The following IQSEC3 variants were observed in gnomAD, a reference collection of about 807,000 sequenced individuals.
IQSEC3 encodes the protein IQ motif and SEC7 domain-containing protein 3.
IQSEC3 carries 50 observed loss-of-function variants against 105.4 expected under a neutral mutation model. The observed-to-expected ratio is 0.47, with a 90% CI of 0.38 to 0.60. The LOEUF is 0.60. Ranked by LOEUF, IQSEC3 falls within the 20% of genes least tolerant of loss-of-function variation. IQSEC3 has a pLI of 0.00. For synonymous variants in IQSEC3, 708 were observed against 746.0 expected (o/e 0.95, Z 0.83); for missense variants, 1,415 against 1,630.0 (o/e 0.87, Z 2.27).
At chr12:167,975 AAT>A (rs1938761592) in intron 11 of IQSEC3, among the ~76,000 whole-genome samples, 1 of 152,184 alleles carries the variant, frequency 6.6e-6, no homozygotes, top group South Asian at 2.1e-4. Context: ...GTTGAGTAGA[AAT>A]ATTTAGCATT....
chr12:157,849 C>T (rs1866748643), intron 7 of IQSEC3, among the ~76,000 whole-genome samples, 155 bp downstream of exon 7: 3 of 152,242 alleles, frequency 2.0e-5, no homozygotes, highest in Admixed American at 1.3e-4. Context: ...TCCTTGTGAG[C>T]CAGGCGGCTG....
Position 99,354 on chromosome 12 carries a change from T to C in IQSEC3, c.623+140T>C, listed in dbSNP as rs544607262. 2.2e-4 allele frequency: 166 copies of C among 766,820 alleles called. No individual in the cohort carries two copies. The African/African-American group carries it at 2.4e-3, about 11-fold the overall frequency. 47.5% of individuals were successfully genotyped at this position (766,820 alleles called of 1,614,324 possible). On this transcript the variant is annotated intron_variant, in intron 2 of 13. Transcript: ENST00000538872. ...AATTTGTTTGCTTTCACCTCCTTCC[T>C]CAGACTTCAGTTTCTCTCTGCTCCC...
rs782371794 is a variant in IQSEC3 at position 138,446 on chromosome 12, C to A, written c.1083C>A (p.Ala361=). The change falls in exon 4 of 14, where the codon GCC becomes GCA. Residue 361 remains alanine (A), a synonymous_variant. Coordinates refer to ENST00000538872, the MANE Select transcript of IQSEC3 (RefSeq NM_001170738.2). This position sits in a 1 kb window ranked among gnomAD's most constrained non-coding sequence, Gnocchi z 7.1. ...ISLRKVRSPT[A]ESLAAEKALM... ...TGCGCAAGGTGCGGTCACCCACGGC[C>A]GAGAGCCTGGCGGCCGAGAAAGCGC... 1.0e-5 allele frequency: 16 copies of A among 1,604,742 alleles called. No individual in the cohort carries two copies. The South Asian group carries it at 1.2e-4, about 12-fold the overall frequency.
At chr12:113,827 G>A (rs1864968127) in intron 2 of IQSEC3, among the ~76,000 whole-genome samples, 1 of 152,246 alleles carries the variant, frequency 6.6e-6, no homozygotes, top group Admixed American at 6.5e-5. Flanking sequence ...TGGTTTTGTG[G>A]ATTCCTTTCT....
At chr12:117,771 G>T (rs1012698740) in intron 2 of IQSEC3, among the ~76,000 whole-genome samples, 1 of 152,236 alleles carries the variant, frequency 6.6e-6, no homozygotes, top group African/African-American at 2.4e-5. Flanking sequence ...CCAGACAGGA[G>T]AAGCATCTCT....
chr12:130,304 G>A (rs145067680), intron 3 of IQSEC3, among the ~76,000 whole-genome samples: 43 of 152,304 alleles, frequency 2.8e-4, no homozygotes, highest in Admixed American at 6.5e-4. Flanking sequence ...TTATCTCCCC[G>A]GGTCTGCACA....
chr12:157,655 C>G lies in IQSEC3; in HGVS notation c.2404C>G (p.Arg802Gly), dbSNP rs782523704. 29 of 1,613,830 alleles carry G rather than the reference C, an allele frequency of 1.8e-5. No individual in the cohort carries two copies. The highest frequency in any genetic ancestry group is 4.5e-5 in the East Asian group (2 of 44,894). ...DMYSPNIKPD[R>G]KMMLEDFIRN... ...GTACAGCCCCAACATCAAGCCTGAC[C>G]GGAAGATGATGCTGGAGGACTTCAT... The change falls in exon 7 of 14, where the codon CGG becomes GGG. Residue 802 changes from arginine (R) to glycine (G), a missense_variant. By Grantham distance (125) the Arg-to-Gly change is moderately radical. Transcript: ENST00000538872.
rs782395409 is a variant in IQSEC3, at chr12:139,113, G to T, written c.1750G>T (p.Gly584Trp). The change falls in exon 4 of 14, where the codon GGG becomes TGG. Residue 584 changes from glycine to tryptophan, a missense_variant. By Grantham distance (184) the Gly-to-Trp change is radical. Transcript: ENST00000538872. ...GGAGGAGGAGGAGACGGCGGAGGTGGGGAGAGGGGCCGAGGCCGAGGCAGG... is the reference window on the plus strand; with the variant it reads ...GGAGGAGGAGGAGACGGCGGAGGTGTGGAGAGGGGCCGAGGCCGAGGCAGG... ...EEEEEETAEV[G>W]RGAEAEAGDL... is the part of the protein sequence containing the mutation. The T allele has an allele frequency of 1.2e-5, 18 of 1,509,634 alleles. No homozygotes were observed. 93.5% of individuals were successfully genotyped at this position (1,509,634 alleles called of 1,614,324 possible). A position where few individuals can be genotyped will look rare whatever the true frequency, so the allele number is the denominator to read the frequency against.
At chr12:168,922 C>A in intron 11 of IQSEC3, 91 bp from the exon 12 acceptor site, 1 of 1,070,494 alleles carries the variant, frequency 9.3e-7, no homozygotes. Context: ...CCTCCTCTTC[C>A]TCCCCTTTCT....
chr12:169,335 T>C (rs1591757652), intron 12 of IQSEC3, among the ~76,000 whole-genome samples: 1 of 152,220 alleles, frequency 6.6e-6, no homozygotes, highest in African/African-American at 2.4e-5. Flanking sequence ...ACCAGAGGTC[T>C]GGAGTCCGTG....
intron 3 of IQSEC3, among the ~76,000 whole-genome samples, chr12:135,170 TG>T (rs1865724041): frequency 6.6e-6 from 1 of 152,186 alleles, no homozygotes; most frequent in African/African-American, 2.4e-5. Flanking sequence ...CAGTTTCTCA[TG>T]GTGCTTGAAT....
At chr12:97,962 G>A (rs905198245) in intron 1 of IQSEC3, among the ~76,000 whole-genome samples, 1 of 152,234 alleles carries the variant, frequency 6.6e-6, no homozygotes, top group Non-Finnish European at 1.5e-5. Flanking sequence ...AAGTGGTACA[G>A]ATGCCCCTTC....
At chr12:84,846 C>G (rs1453583453) in intron 1 of IQSEC3, among the ~76,000 whole-genome samples, 1 of 152,112 alleles carries the variant, frequency 6.6e-6, no homozygotes, top group Non-Finnish European at 1.5e-5. Context: ...CTTCAAGAGT[C>G]TGACTGTGCT....
intron 3 of IQSEC3, among the ~76,000 whole-genome samples, chr12:136,962 G>A (rs1382777275): frequency 2.0e-5 from 3 of 152,150 alleles, no homozygotes; most frequent in African/African-American, 4.8e-5. Context: ...GGACAGAGCC[G>A]AGAGGAGGCA....
Position 138,362 on chromosome 12 carries a change from G to A in IQSEC3, c.999G>A (p.Lys333=). Residue 333 remains lysine, a synonymous_variant, in exon 4 of 14, where the codon AAG becomes AAA. Coordinates refer to ENST00000538872, the MANE Select transcript of IQSEC3 (RefSeq NM_001170738.2). The surrounding 1 kb of genome is among the most constrained non-coding windows in gnomAD (Gnocchi z 7.1). The stretch of plus-strand genomic sequence containing the variant: ...CCTTCCGCCAATACCAGCTCAGCAA[G>A]AACTTCGAGAAAATCCGCAACTCGC... The part of the protein sequence containing the change: ...QTAFRQYQLS[K]NFEKIRNSLL... The A allele has an allele frequency of 1.2e-6, 2 of 1,613,286 alleles. No individual in the cohort carries two copies. The highest frequency in any genetic ancestry group is 1.7e-6 in the Non-Finnish European group (2 of 1,180,016).
chr12:77,958 C>T (rs569702792), intron 1 of IQSEC3, among the ~76,000 whole-genome samples: 1 of 151,938 alleles, frequency 6.6e-6, no homozygotes, highest in Non-Finnish European at 1.5e-5. Flanking sequence ...CGCGCCCCCT[C>T]CCAGCGTCCA....
chr12:161,940 G>T lies in IQSEC3; in HGVS notation c.2458G>T (p.Ala820Ser), dbSNP rs143760704. The change falls in exon 8 of 14, where the codon GCT becomes TCT. Residue 820 changes from alanine to serine, a missense_variant. Physicochemically the swap from Ala to Ser is moderately conservative, Grantham distance 99. Transcript: ENST00000538872. Reference protein sequence around the residue: ...IRNLRGVDDGADIPRELVVGI... With the variant: ...IRNLRGVDDGSDIPRELVVGI... ...CACGTTGTTAGGTGTGGACGATGGC[G>T]CTGACATCCCCAGGGAGCTGGTGGT... 6.2e-6 allele frequency: 10 copies of T among 1,610,104 alleles called. No homozygotes were observed. The highest frequency in any genetic ancestry group is 8.5e-6 in the Non-Finnish European group (10 of 1,178,554).
At chr12:150,527 C>T (rs1364764856) in intron 5 of IQSEC3, among the ~76,000 whole-genome samples, 7 of 152,078 alleles carry the variant, frequency 4.6e-5, no homozygotes, top group Non-Finnish European at 1.0e-4. Context: ...AGGGGCTCCT[C>T]CAGAGGAAAG....
intron 2 of IQSEC3, among the ~76,000 whole-genome samples, chr12:123,859 TA>T (rs1283389706): frequency 2.0e-5 from 3 of 152,124 alleles, no homozygotes. Context: ...TCCTCATTTA[TA>T]AAAATGGGGA....
Sources: allele counts gnomAD v4.1 joint callset (sites outside exome capture counted in the v4.1 genomes callset), GRCh38; gene constraint gnomAD v4.1.1; non-coding constraint Gnocchi (gnomAD v3.1); transcripts MANE v1.5; gene names NCBI Gene and HGNC (gene_info 2026-07-23, HGNC 2026-07-21).